C6orf118: variants seen among roughly 807,000 people sequenced by gnomAD.
C6orf118 encodes uncharacterized protein C6orf118.
In C6orf118, 50 loss-of-function variants were observed where a neutral mutation model predicts 50.2. The observed-to-expected ratio is 1.00, with a 90% CI of 0.79 to 1.26. The LOEUF (loss-of-function observed/expected upper bound fraction) is 1.26. C6orf118 is among the 50% of genes most tolerant of loss of function. C6orf118 has a pLI of 0.00. For synonymous variants in C6orf118, 239 were observed against 230.9 expected (o/e 1.03, Z -0.32); for missense variants, 641 against 578.7 (o/e 1.11, Z -1.10).
chr6:165,298,972 A>C lies in C6orf118; in HGVS notation c.936+471T>G, dbSNP rs548285287. On this transcript the variant is annotated intron_variant, in intron 4 of 8. Transcript: ENST00000230301. The stretch of plus-strand genomic sequence containing the variant: ...TTTTCTTAGGTTTTATAAGTGATAA[A>C]GTTATTCCTGCAGTATATTTTCTTA... Among the ~76,000 whole-genome samples the C allele has an allele frequency of 6.6e-5, 10 of 152,360 alleles. No individual in the cohort carries two copies. The South Asian group carries it at 2.1e-3, about 32-fold the overall frequency.
Position 165,305,788 on chromosome 6 carries a change from C to T in C6orf118, c.26-3492G>A, listed in dbSNP as rs1780697918. 2.6e-5 allele frequency among the ~76,000 whole-genome samples: 3 copies of T among 117,320 alleles called. No homozygotes were observed. In the South Asian group the frequency reaches 8.1e-4, roughly 32 times the overall value. 77.0% of individuals were successfully genotyped at this position (117,320 alleles called of 152,430 possible). On this transcript the variant is annotated intron_variant, in intron 1 of 8. Transcript: ENST00000230301. The stretch of plus-strand genomic sequence containing the variant: ...ACCACTATGAGATATCATCTCACAC[C>T]AGTTAGAAAGGCAATCATTAAAAAG...
rs200804790 is a variant in C6orf118 at position 165,302,285 on chromosome 6, A to G, written c.37T>C (p.Trp13Arg). The change falls in exon 2 of 9, where the codon TGG becomes CGG. Residue 13 changes from tryptophan (W) to arginine (R), a missense_variant. By Grantham distance (101) the Trp-to-Arg change is moderately radical (BLOSUM62 -3). Coordinates refer to ENST00000230301, the MANE Select transcript of C6orf118 (RefSeq NM_144980.4). ...ACGCCTGGCGTCTCGCAGTGCTTCCACTTCAGGTACACTGGTCAGAAAAGA... is the reference window on the plus strand; with the variant it reads ...ACGCCTGGCGTCTCGCAGTGCTTCCGCTTCAGGTACACTGGTCAGAAAAGA... Reference protein sequence around the residue: ...EEREPELYLKWKHCETPGVKT... With the variant: ...EEREPELYLKRKHCETPGVKT... The G allele has an allele frequency of 2.0e-4, 318 of 1,610,876 alleles. No individual in the cohort carries two copies. The highest frequency in any genetic ancestry group is 2.4e-4 in the Non-Finnish European group (284 of 1,179,690).
intron 4 of C6orf118, among the ~76,000 whole-genome samples, chr6:165,299,046 C>T (rs759872370): frequency 6.6e-5 from 10 of 152,294 alleles, no homozygotes; most frequent in South Asian, 4.1e-4. Flanking sequence ...ACACCTGGAA[C>T]GCTGTCACCC....
chr6:165,301,758 C>G lies in C6orf118; in HGVS notation c.564G>C (p.Gln188His), dbSNP rs1268918108. 6.2e-7 allele frequency: 1 copy of G among 1,614,096 alleles called. No homozygotes were observed. Among genetic ancestry groups the G allele is most frequent in the South Asian group, 1.1e-5 (1 of 91,084 alleles). Reference protein sequence around the residue: ...RLPDLKVLCYQEAGSRGTRDR... With the variant: ...RLPDLKVLCYHEAGSRGTRDR... ...CCCTGGTGCCTCTGGACCCGGCCTC[C>G]TGGTAGCACAGCACCTTCAAGTCGG... The change falls in exon 2 of 9, where the codon CAG (glutamine) becomes CAC (histidine). Residue 188 changes from glutamine (Q) to histidine (H), a missense_variant. Gln to His is a conservative substitution (Grantham distance 24, BLOSUM62 0). Transcript: ENST00000230301.
At chr6:165,294,261 A>AAC (rs796091013) in intron 5 of C6orf118, among the ~76,000 whole-genome samples, 3,401 of 145,906 alleles carry the variant, frequency 0.023, 147 homozygotes, top group African/African-American at 0.083. Flanking sequence ...AAGCAAAAAA[A>AAC]AAAAAACAAA....
At chr6:165,300,995 C>T (rs1355762554) in intron 2 of C6orf118, among the ~76,000 whole-genome samples, 2 of 152,118 alleles carry the variant, frequency 1.3e-5, no homozygotes, top group Admixed American at 6.5e-5. Flanking sequence ...GTTCTTCCAC[C>T]GTCAGCCAGG....
chr6:165,282,333 A>G (rs967606806), intron 7 of C6orf118, among the ~76,000 whole-genome samples: 5 of 152,162 alleles, frequency 3.3e-5, no homozygotes, highest in Non-Finnish European at 7.4e-5. Context: ...CTGTGAACAA[A>G]ATAATGATGG....
intron 7 of C6orf118, among the ~76,000 whole-genome samples, chr6:165,282,511 G>A (rs1779761249): frequency 6.6e-6 from 1 of 151,958 alleles, no homozygotes; most frequent in Admixed American, 6.6e-5. Flanking sequence ...GCATATTAGT[G>A]CTTCATTTCT....
Position 165,298,063 on chromosome 6 carries a change from C to T in C6orf118, c.975G>A (p.Pro325=), listed in dbSNP as rs369772945. 35 of 1,611,876 alleles carry T rather than the reference C, an allele frequency of 2.2e-5. No homozygotes were observed. The highest frequency in any genetic ancestry group is 8.0e-5 in the African/African-American group (6 of 74,894). The change falls in exon 5 of 9, where the codon CCG becomes CCA. Residue 325 remains proline, a synonymous_variant. Coordinates refer to ENST00000230301, the MANE Select transcript of C6orf118 (RefSeq NM_144980.4). ...CGAGATCCATGTCCGCCGTCTTCAC[C>T]GGCCTCTGCCCCAGCGCCTTGAGTT... ...LAQLKALGQR[P]VKTADMDLAR...
At chr6:165,281,468 T>C in intron 8 of C6orf118, 172 bp downstream of exon 8, 1 of 1,362,310 alleles carries the variant, frequency 7.3e-7, no homozygotes, top group Non-Finnish European at 9.5e-7. Flanking sequence ...TTTATCATGA[T>C]GTCAATACTT....
At chr6:165,298,259 C>T (rs572074994) in intron 4 of C6orf118, among the ~76,000 whole-genome samples, 158 bp from the exon 5 acceptor site, 1 of 151,992 alleles carries the variant, frequency 6.6e-6, no homozygotes, top group South Asian at 2.1e-4. Flanking sequence ...GAGGGAGGGC[C>T]GTTGGGGGAG....
intron 5 of C6orf118, 43 bp downstream of exon 5, chr6:165,297,934 G>A (rs200360016): frequency 9.9e-5 from 159 of 1,611,660 alleles, no homozygotes; most frequent in African/African-American, 2.1e-4. Context: ...ACCTTGTTAC[G>A]GAAGAATCTA....
At position 165,297,960 on chromosome 6, in the gene C6orf118, C is replaced by A. The variant is rs757928643; in HGVS notation, c.1061+17G>T. Reference sequence around the variant, plus strand: ...GAAGAATCTAAACATAGATCAGATCCGTCCCTCATGCCTCACCTATCATTC... The same window carrying A: ...GAAGAATCTAAACATAGATCAGATCAGTCCCTCATGCCTCACCTATCATTC... On this transcript the variant is annotated intron_variant, in intron 5 of 8. Transcript: ENST00000230301. 4.3e-6 allele frequency: 7 copies of A among 1,613,308 alleles called. No homozygotes were observed. The highest frequency in any genetic ancestry group is 4.2e-6 in the Non-Finnish European group (5 of 1,180,016).
intron 1 of C6orf118, among the ~76,000 whole-genome samples, chr6:165,307,307 TCAG>T (rs941540798): frequency 3.5e-5 from 5 of 143,112 alleles, no homozygotes; most frequent in African/African-American, 1.3e-4. Context: ...GCCTGTAATC[TCAG>T]CACTTTGGGA....
At chr6:165,282,363 G>A (rs1779757273) in intron 7 of C6orf118, among the ~76,000 whole-genome samples, 1 of 152,058 alleles carries the variant, frequency 6.6e-6, no homozygotes, top group Admixed American at 6.5e-5. Context: ...ATAAAGACTT[G>A]CTCTTTCAGA....
intron 2 of C6orf118, among the ~76,000 whole-genome samples, chr6:165,300,904 C>G (rs1044723534): frequency 6.6e-6 from 1 of 152,008 alleles, no homozygotes; most frequent in African/African-American, 2.4e-5. Flanking sequence ...GGCAGCCTAC[C>G]GTAGATCTTC....
intron 1 of C6orf118, among the ~76,000 whole-genome samples, chr6:165,303,059 TAAG>T (rs1780619826): frequency 6.6e-6 from 1 of 152,230 alleles, no homozygotes; most frequent in South Asian, 2.1e-4. Flanking sequence ...TTTTCTAACC[TAAG>T]AAGGAGAGTT....
rs1484793957 is a variant in C6orf118 at position 165,300,285 on chromosome 6, G to A, written c.876+79C>T. ...GCCTGTGATACCTAGCAGAATTTCA[G>A]TGCGGCTTGAGATCATTCTTGTACA... On this transcript the variant is annotated intron_variant, in intron 3 of 8. Transcript: ENST00000230301. 7 of 1,534,554 alleles carry A rather than the reference G, an allele frequency of 4.6e-6. No homozygotes were observed. The East Asian group carries it at 1.1e-4, about 25-fold the overall frequency.
intron 1 of C6orf118, among the ~76,000 whole-genome samples, chr6:165,303,071 T>A (rs1780620044): frequency 6.6e-6 from 1 of 152,000 alleles, no homozygotes; most frequent in South Asian, 2.1e-4. Flanking sequence ...AGAAGGAGAG[T>A]TTCTTTCTGG....
Sources: allele counts gnomAD v4.1 joint callset (sites outside exome capture counted in the v4.1 genomes callset), GRCh38; gene constraint gnomAD v4.1.1; transcripts MANE v1.5; gene names NCBI Gene and HGNC (gene_info 2026-07-23, HGNC 2026-07-21).